The following SPATS1 variants were observed in gnomAD, a reference collection of about 807,000 sequenced individuals.
SPATS1 encodes the protein spermatogenesis associated serine rich 1, also known as spermatogenesis-associated serine-rich protein 1.
In SPATS1, 23 loss-of-function variants were observed where a neutral mutation model predicts 33.6. The observed-to-expected ratio is 0.68, with a 90% CI of 0.49 to 0.97. The LOEUF is 0.97. Ranked by LOEUF, SPATS1 falls within the 50% of genes least tolerant of loss-of-function variation. The probability of loss-of-function intolerance (pLI) is 0.00; values close to 1 mark genes in which losing one functional copy is unlikely to be tolerated. For missense variants in SPATS1, 327 were observed against 361.0 expected (o/e 0.91, Z 0.76); for synonymous variants, 131 against 125.6 (o/e 1.04, Z -0.29).
intron 5 of SPATS1, among the ~76,000 whole-genome samples, chr6:44,363,217 C>T (rs1210644339): frequency 3.9e-5 from 6 of 152,006 alleles, no homozygotes; most frequent in South Asian, 2.1e-4. Flanking sequence ...ACTGCAGTTC[C>T]GAATGCCAGC....
Position 44,360,363 on chromosome 6 carries a change from G to A in SPATS1, c.288-83G>A, listed in dbSNP as rs1297193984. 13 of 1,568,240 alleles carry A rather than the reference G, an allele frequency of 8.3e-6. No homozygotes were observed. In the Admixed American group the frequency reaches 2.1e-4, roughly 25 times the overall value. On this transcript the variant is annotated intron_variant, in intron 3 of 8. Transcript: ENST00000674044. Reference sequence around the variant, plus strand: ...AGTAGTCCCAGTTCTCATAAGCGAGGGCAATTCTAGGGTAAACTATGTGAG... The same window carrying A: ...AGTAGTCCCAGTTCTCATAAGCGAGAGCAATTCTAGGGTAAACTATGTGAG...
chr6:44,345,173 A>G (rs1304451080), intron 2 of SPATS1, among the ~76,000 whole-genome samples: 1 of 151,416 alleles, frequency 6.6e-6, no homozygotes, highest in Admixed American at 6.6e-5. Flanking sequence ...TTACCAGGGG[A>G]GGGGCGGGGA....
chr6:44,347,615 A>T (rs1787976413), intron 2 of SPATS1, among the ~76,000 whole-genome samples: 1 of 152,204 alleles, frequency 6.6e-6, no homozygotes, highest in Middle Eastern at 3.4e-3. Context: ...TTTAATTTCA[A>T]TTTTTACATT....
intron 2 of SPATS1, 54 bp from the exon 3 acceptor site, chr6:44,352,672 G>A: frequency 1.3e-6 from 2 of 1,522,834 alleles, no homozygotes; most frequent in Admixed American, 1.7e-5. Context: ...AAACAAAATA[G>A]GGTGGAATGT....
At position 44,343,200 on chromosome 6, in the gene SPATS1, G is replaced by T. The variant is rs557194939; in HGVS notation, c.105G>T (p.Arg35Ser). The T allele has an allele frequency of 1.9e-6, 3 of 1,614,032 alleles. No homozygotes were observed. Among genetic ancestry groups the T allele is most frequent in the Non-Finnish European group, 2.5e-6 (3 of 1,179,990 alleles). Reference sequence around the variant, plus strand: ...AGCTGGAGAAGGTTCCAGAAAAAAGGGACTCTGGCATGACCGAGGTGGAGA... The same window carrying T: ...AGCTGGAGAAGGTTCCAGAAAAAAGTGACTCTGGCATGACCGAGGTGGAGA... ...GRQLEKVPEK[R>S]DSGMTEVERT... The change falls in exon 2 of 9, where the codon AGG becomes AGT. Residue 35 changes from arginine (R) to serine (S), a missense_variant. Transcript: ENST00000674044.
intron 7 of SPATS1, 40 bp downstream of exon 7, chr6:44,370,153 T>C (rs1483628357): frequency 1.3e-6 from 2 of 1,539,886 alleles, no homozygotes; most frequent in South Asian, 1.2e-5. Context: ...CCCATCTTTA[T>C]TAAATATCGA....
intron 2 of SPATS1, among the ~76,000 whole-genome samples, chr6:44,344,303 C>G (rs541278959): frequency 3.3e-5 from 5 of 151,776 alleles, no homozygotes; most frequent in Non-Finnish European, 7.4e-5. Context: ...GTAGGTGAGT[C>G]TATTCAGGAG....
Position 44,352,883 on chromosome 6 carries a change from G to C in SPATS1, c.287+10G>C, listed in dbSNP as rs1333557860. The C allele has an allele frequency of 5.6e-6, 9 of 1,613,514 alleles. No homozygotes were observed. The South Asian group carries it at 9.9e-5, about 18-fold the overall frequency. On this transcript the variant is annotated intron_variant, in intron 3 of 8. Coordinates refer to ENST00000674044, the MANE Select transcript of SPATS1 (RefSeq NM_001372081.1). ...TGTCTGCTTACGTAGAGTAAGTAAG[G>C]GTCTGGTGCAGAGCTGTCACGGTTG...
chr6:44,368,510 G>A lies in SPATS1; in HGVS notation c.695+11G>A. Reference sequence around the variant, plus strand: ...AGTGAATTTTTCAATGTAAGTGTATGTTAATACTAGCATTATATAGTTAAC... The same window carrying A: ...AGTGAATTTTTCAATGTAAGTGTATATTAATACTAGCATTATATAGTTAAC... On this transcript the variant is annotated intron_variant, in intron 6 of 8. Coordinates refer to ENST00000674044, the MANE Select transcript of SPATS1 (RefSeq NM_001372081.1). 15 of 1,608,430 alleles carry A rather than the reference G, an allele frequency of 9.3e-6. No individual in the cohort carries two copies. The highest frequency in any genetic ancestry group is 1.2e-5 in the Non-Finnish European group (14 of 1,176,960).
At chr6:44,348,495 C>G (rs1050687785) in intron 2 of SPATS1, among the ~76,000 whole-genome samples, 1 of 151,134 alleles carries the variant, frequency 6.6e-6, no homozygotes, top group African/African-American at 2.4e-5. Context: ...TTGGCTCATT[C>G]ATTTTGGAAT....
At chr6:44,348,059 T>C (rs1788009137) in intron 2 of SPATS1, among the ~76,000 whole-genome samples, 1 of 151,830 alleles carries the variant, frequency 6.6e-6, no homozygotes, top group Non-Finnish European at 1.5e-5. Flanking sequence ...CAGGCTGTAG[T>C]GCAGTGTGGC....
At chr6:44,358,077 C>A (rs1441270611) in intron 3 of SPATS1, among the ~76,000 whole-genome samples, 1 of 152,168 alleles carries the variant, frequency 6.6e-6, no homozygotes, top group Non-Finnish European at 1.5e-5. Flanking sequence ...CAGCTATACT[C>A]TTGTCATGGA....
chr6:44,345,353 A>G (rs1787812333), intron 2 of SPATS1, among the ~76,000 whole-genome samples: 1 of 152,144 alleles, frequency 6.6e-6, no homozygotes, highest in Non-Finnish European at 1.5e-5. Context: ...TATAGTGGCC[A>G]CAGGCCACTT....
In SPATS1 at chr6:44,378,968, T is replaced by A. The variant is rs538385948; in HGVS notation, c.*1905T>A. The A allele has an allele frequency of 2.0e-5, 3 of 152,026 alleles. No individual in the cohort carries two copies. The highest frequency in any genetic ancestry group is 4.8e-5 in the African/African-American group (2 of 41,456). 9.4% of individuals were successfully genotyped at this position (152,026 alleles called of 1,614,324 possible). On this transcript the variant is annotated 3_prime_UTR_variant, in exon 9 of 9. Transcript: ENST00000674044. ...CACCCCTGCTCCCAACATAATAATT[T>A]AAAAAAACACCAAATAATTTTTAAA...
chr6:44,345,342 T>G (rs1787811803), intron 2 of SPATS1, among the ~76,000 whole-genome samples: 1 of 152,140 alleles, frequency 6.6e-6, no homozygotes, highest in Non-Finnish European at 1.5e-5. Flanking sequence ...GCTTTCCCCA[T>G]TATAGTGGCC....
At chr6:44,371,302 TAA>T (rs891965619) in intron 7 of SPATS1, among the ~76,000 whole-genome samples, 17 of 137,004 alleles carry the variant, frequency 1.2e-4, no homozygotes, top group Admixed American at 1.5e-4. Flanking sequence ...TGTCTCAAAT[TAA>T]AAAAAAAAAA....
chr6:44,351,903 G>A (rs891655704), intron 2 of SPATS1, among the ~76,000 whole-genome samples: 6 of 152,212 alleles, frequency 3.9e-5, no homozygotes, highest in Non-Finnish European at 8.8e-5. Context: ...TCTTTGGGTT[G>A]TGATCAGCAT....
intron 7 of SPATS1, among the ~76,000 whole-genome samples, chr6:44,375,552 G>A (rs1201109708): frequency 3.3e-5 from 5 of 152,248 alleles, no homozygotes; most frequent in Non-Finnish European, 5.9e-5. Flanking sequence ...GCTCATGCCT[G>A]TAATCTCAGC....
At chr6:44,363,705 T>C (rs1190927061) in intron 5 of SPATS1, among the ~76,000 whole-genome samples, 1 of 137,178 alleles carries the variant, frequency 7.3e-6, no homozygotes. Context: ...CTTCCTTCCC[T>C]CCTTCCTTCC....
Sources: allele counts gnomAD v4.1 joint callset (sites outside exome capture counted in the v4.1 genomes callset), GRCh38; gene constraint gnomAD v4.1.1; transcripts MANE v1.5; gene names NCBI Gene and HGNC (gene_info 2026-07-23, HGNC 2026-07-21).